The following DGKH variants were observed in gnomAD, a reference collection of about 807,000 sequenced individuals.
DGKH encodes DAG kinase eta.
DGKH carries 90 observed loss-of-function variants against 159.3 expected under a neutral mutation model. The observed-to-expected ratio is 0.57, with a 90% confidence interval of 0.48 to 0.67. The LOEUF is 0.67. Ranked by LOEUF, DGKH falls within the 30% of genes least tolerant of loss-of-function variation. The probability of loss-of-function intolerance (pLI) is 0.00; values close to 1 mark genes in which losing one functional copy is unlikely to be tolerated. For missense variants in DGKH, 1,181 were observed against 1,506.1 expected (o/e 0.78, Z 3.57); for synonymous variants, 536 against 553.8 (o/e 0.97, Z 0.45).
downstream of DGKH, among the ~76,000 whole-genome samples, chr13:42,244,903 C>CAAAAAA (rs57184890): frequency 5.1e-3 from 219 of 42,988 alleles, 11 homozygotes; most frequent in African/African-American, 0.011. Flanking sequence ...GACTCCGTCT[C>CAAAAAA]AAAAAAAAAA....
intron 1 of DGKH, among the ~76,000 whole-genome samples, chr13:42,076,555 C>A (rs1016774462): frequency 6.6e-5 from 10 of 152,104 alleles, no homozygotes; most frequent in Non-Finnish European, 1.5e-4. Flanking sequence ...TTTTATTGCC[C>A]ATTTTCCAGA....
chr13:42,198,460 GTT>G lies in DGKH; in HGVS notation c.2168-16_2168-15del. Reference sequence around the variant, plus strand: ...TTTCTTAACATGCGATCCCATATGTGTTTGCTTTTCTTTCCAGGTTTAAGAGC... The same window carrying G: ...TTTCTTAACATGCGATCCCATATGTGTGCTTTTCTTTCCAGGTTTAAGAGC... On this transcript the variant is annotated splice_polypyrimidine_tract_variant and intron_variant, in intron 17 of 29. Coordinates refer to ENST00000337343, the MANE Select transcript of DGKH (RefSeq NM_178009.5). The G allele has an allele frequency of 6.2e-7, 1 of 1,606,634 alleles. No homozygotes were observed. The highest frequency in any genetic ancestry group is 8.5e-7 in the Non-Finnish European group (1 of 1,174,342).
At chr13:42,201,825 A>G (rs1594197744) in intron 20 of DGKH, among the ~76,000 whole-genome samples, 1 of 152,328 alleles carries the variant, frequency 6.6e-6, no homozygotes, top group African/African-American at 2.4e-5. Flanking sequence ...ATCTAATGGC[A>G]TGTCTAATAA....
At chr13:42,208,918 C>T in intron 21 of DGKH, 41 bp from the exon 22 acceptor site, 3 of 1,449,392 alleles carry the variant, frequency 2.1e-6, no homozygotes, top group Non-Finnish European at 2.8e-6. Flanking sequence ...GTGCTCTTCA[C>T]CTAAACATTC....
At chr13:42,215,396 A>G (rs1380935866) in intron 25 of DGKH, among the ~76,000 whole-genome samples, 179 bp from the exon 26 acceptor site, 2 of 152,106 alleles carry the variant, frequency 1.3e-5, no homozygotes. Context: ...TTGTTCTGTA[A>G]TATAATAATA....
chr13:42,230,663 T>TA lies in DGKH; in HGVS notation c.*1476dup, dbSNP rs1958266855. 6.6e-6 allele frequency: 1 copy of TA among 151,928 alleles called. No homozygotes were observed. Among genetic ancestry groups the TA allele is most frequent in the African/African-American group, 2.4e-5 (1 of 41,398 alleles). The allele number at this position is 151,928 out of a possible 1,614,324, so 9.4% of individuals were successfully genotyped here. A position where few individuals can be genotyped will look rare whatever the true frequency, so the allele number is the denominator to read the frequency against. On this transcript the variant is annotated 3_prime_UTR_variant, in exon 30 of 30. Coordinates refer to ENST00000337343, the MANE Select transcript of DGKH (RefSeq NM_178009.5). The stretch of plus-strand genomic sequence containing the variant: ...CTTAATAGATATATATACACACAGA[T>TA]ATATACATATACACATATATGTGTA...
chr13:42,157,367 A>T (rs1956071424), intron 5 of DGKH, among the ~76,000 whole-genome samples: 1 of 152,254 alleles, frequency 6.6e-6, no homozygotes, highest in Admixed American at 6.5e-5. Flanking sequence ...GTTATACATT[A>T]TTAAATATTT....
Position 42,209,395 on chromosome 13 carries a change from C to T in DGKH, c.2780C>T (p.Ala927Val), listed in dbSNP as rs1387186529. The T allele has an allele frequency of 1.2e-6, 2 of 1,613,622 alleles. No homozygotes were observed. Among genetic ancestry groups the T allele is most frequent in the Non-Finnish European group, 8.5e-7 (1 of 1,179,798 alleles). The change falls in exon 23 of 30, where the codon GCG becomes GTG. Residue 927 changes from alanine (A) to valine (V), a missense_variant. Coordinates refer to ENST00000337343, the MANE Select transcript of DGKH (RefSeq NM_178009.5). ...EGVPVQVDGEAWVQPPGIIKI... is the reference protein window; with the variant it reads ...EGVPVQVDGEVWVQPPGIIKI... Reference sequence around the variant, plus strand: ...GTCCCAGTGCAAGTGGATGGTGAAGCGTGGGTTCAGCCTCCAGGGATTATC... The same window carrying T: ...GTCCCAGTGCAAGTGGATGGTGAAGTGTGGGTTCAGCCTCCAGGGATTATC...
At chr13:42,103,887 A>C (rs765412331) in intron 1 of DGKH, among the ~76,000 whole-genome samples, 1 of 152,210 alleles carries the variant, frequency 6.6e-6, no homozygotes, top group Non-Finnish European at 1.5e-5. Context: ...TCTTCCTAGA[A>C]TTATATAGAA....
rs183174634 is a variant in DGKH, at chr13:42,131,058, C to T, written c.384+1426C>T. Among the ~76,000 whole-genome samples, 141 of 152,000 alleles carry T rather than the reference C, an allele frequency of 9.3e-4. 2 individuals carry two copies. The highest frequency in any genetic ancestry group is 3.3e-3 in the African/African-American group (137 of 41,464). On this transcript the variant is annotated intron_variant, in intron 3 of 29. Transcript: ENST00000337343. ...GAAAAGTGATGGTTCAATTTGTTAA[C>T]TTGGAGGTCATTTGGTCCCATTGAT...
In DGKH at chr13:42,207,029, C is replaced by CTT. The variant is rs1237137724; in HGVS notation, c.2601+885_2601+886dup. ...TTTCTTTCTTTCTTTCTTTCTTTTT[C>CTT]TTTCTTTCTTTCCTTCTTTCCTTCT... On this transcript the variant is annotated intron_variant, in intron 21 of 29. Transcript: ENST00000337343. Among the ~76,000 whole-genome samples, 88 of 92,038 alleles carry CTT rather than the reference C, an allele frequency of 9.6e-4. 2 individuals carry two copies. The highest frequency in any genetic ancestry group is 1.6e-3 in the East Asian group (5 of 3,044). The allele number at this position is 92,038 out of a possible 152,430, so 60.4% of individuals were successfully genotyped here. A position where few individuals can be genotyped will look rare whatever the true frequency, so the allele number is the denominator to read the frequency against.
intron 29 of DGKH, among the ~76,000 whole-genome samples, chr13:42,249,375 C>T (rs1387061524): frequency 1.3e-5 from 2 of 152,212 alleles, no homozygotes; most frequent in Non-Finnish European, 2.9e-5. Context: ...CATGCCACTG[C>T]ACTCCTGCCT....
chr13:42,164,859 G>C (rs1000385030), intron 7 of DGKH, among the ~76,000 whole-genome samples: 1 of 152,130 alleles, frequency 6.6e-6, no homozygotes, highest in Non-Finnish European at 1.5e-5. Context: ...TGGGATTACT[G>C]CAGAAAAAGC....
intron 1 of DGKH, chr13:42,069,930 A>G: frequency 2.8e-6 from 2 of 721,686 alleles, no homozygotes; most frequent in South Asian, 3.4e-5. Context: ...CATCAGTGAC[A>G]TCAGACAGAG....
At chr13:42,135,901 A>C (rs1210757343) in intron 3 of DGKH, among the ~76,000 whole-genome samples, 1 of 152,038 alleles carries the variant, frequency 6.6e-6, no homozygotes, top group Non-Finnish European at 1.5e-5. Context: ...CTCTTTTCTC[A>C]CTAATCATGA....
At chr13:42,082,110 C>G (rs1444678539) in intron 1 of DGKH, among the ~76,000 whole-genome samples, 1 of 151,812 alleles carries the variant, frequency 6.6e-6, no homozygotes, top group Non-Finnish European at 1.5e-5. Flanking sequence ...CATGTAGTCT[C>G]TCACACCTCC....
chr13:42,119,355 C>T (rs1444882573), intron 1 of DGKH, among the ~76,000 whole-genome samples: 1 of 152,206 alleles, frequency 6.6e-6, no homozygotes, highest in Non-Finnish European at 1.5e-5. Flanking sequence ...TAACAAAAGA[C>T]TAGCATGATG....
chr13:42,159,898 T>C (rs1956136419), intron 6 of DGKH, 113 bp from the exon 7 acceptor site: 8 of 1,467,656 alleles, frequency 5.5e-6, no homozygotes, highest in Non-Finnish European at 7.5e-6. Context: ...GTGAATGCTA[T>C]GCATGAAACG....
intron 3 of DGKH, among the ~76,000 whole-genome samples, chr13:42,147,729 C>CA (rs1955774714): frequency 1.3e-5 from 2 of 152,170 alleles, no homozygotes; most frequent in South Asian, 2.1e-4. Flanking sequence ...TCTGAAGTCA[C>CA]TGTGATCCCT....
Sources: allele counts gnomAD v4.1 joint callset (sites outside exome capture counted in the v4.1 genomes callset), GRCh38; gene constraint gnomAD v4.1.1; transcripts MANE v1.5; gene names NCBI Gene and HGNC (gene_info 2026-07-23, HGNC 2026-07-21).